The following DNAH14 variants were observed in gnomAD, a reference collection of about 807,000 sequenced individuals.
DNAH14 encodes axonemal beta dynein heavy chain 14.
In DNAH14, 478 loss-of-function variants were observed where a neutral mutation model predicts 520.9. That is an observed-to-expected ratio of 0.92 (90% CI 0.85 to 0.99). The LOEUF is 0.99. Ranked by LOEUF, DNAH14 falls within the 50% of genes least tolerant of loss-of-function variation. The pLI is 0.00. For synonymous variants in DNAH14, 1,581 were observed against 1,757.2 expected (o/e 0.90, Z 2.51); for missense variants, 4,831 against 5,234.5 (o/e 0.92, Z 2.38).
intron 38 of DNAH14, among the ~76,000 whole-genome samples, chr1:225,196,997 G>A (rs2086225880): frequency 6.6e-6 from 1 of 152,102 alleles, no homozygotes; most frequent in African/African-American, 2.4e-5. Flanking sequence ...TCTGTGGGTT[G>A]TCTGTTTACT....
chr1:224,944,104 C>G (rs2059623480), intron 1 of DNAH14, among the ~76,000 whole-genome samples: 1 of 152,124 alleles, frequency 6.6e-6, no homozygotes, highest in Non-Finnish European at 1.5e-5. Flanking sequence ...GTGTTAAAGT[C>G]TCCCATTATT....
At position 225,128,133 on chromosome 1, in the gene DNAH14, T is replaced by G. The variant is rs532468822; in HGVS notation, c.4254+4519T>G. Among the ~76,000 whole-genome samples the G allele has an allele frequency of 2.7e-3, 413 of 152,232 alleles. 1 individual carries two copies. Among genetic ancestry groups the G allele is most frequent in the Non-Finnish European group, 2.4e-3 (165 of 68,014 alleles). ...GTAACCCGACCGTTCTCTCTGGCTG[T>G]CCTTAACATTTTTTCCTTCATTTCA... On this transcript the variant is annotated intron_variant, in intron 27 of 85. Coordinates refer to ENST00000682510, the MANE Select transcript of DNAH14 (RefSeq NM_001367479.1).
At chr1:225,282,852 C>A (rs1047238453) in intron 54 of DNAH14, among the ~76,000 whole-genome samples, 8 of 152,094 alleles carry the variant, frequency 5.3e-5, no homozygotes, top group Admixed American at 2.0e-4. Flanking sequence ...AGTGAATCAT[C>A]CATTCGTGTG....
chr1:224,991,839 AAT>A (rs2063076553), intron 8 of DNAH14, among the ~76,000 whole-genome samples: 2 of 152,110 alleles, frequency 1.3e-5, no homozygotes, highest in African/African-American at 4.8e-5. Context: ...TGCTGTTGTG[AAT>A]AATGCTGCAA....
chr1:225,324,355 T>C lies in DNAH14; in HGVS notation c.9627+2T>C, dbSNP rs775624566. Reference sequence around the variant, plus strand: ...AATAACTACCATGAAGTACAGAAGGTATGCTTTTCCTCCTAAACATCTGTC... The same window carrying C: ...AATAACTACCATGAAGTACAGAAGGCATGCTTTTCCTCCTAAACATCTGTC... On this transcript the variant is annotated splice_donor_variant, in intron 63 of 85. Coordinates refer to ENST00000682510, the MANE Select transcript of DNAH14 (RefSeq NM_001367479.1). LOFTEE classifies it high-confidence loss of function. The C allele has an allele frequency of 2.6e-6, 4 of 1,550,834 alleles. No homozygotes were observed. The highest frequency in any genetic ancestry group is 3.5e-6 in the Non-Finnish European group (4 of 1,146,660).
chr1:225,005,127 A>G (rs1345954653), intron 9 of DNAH14, among the ~76,000 whole-genome samples: 1 of 152,192 alleles, frequency 6.6e-6, no homozygotes, highest in East Asian at 1.9e-4. Flanking sequence ...ACTTAGTTCT[A>G]GAGAGATTGC....
At chr1:225,145,743 A>G (rs2079872894) in intron 30 of DNAH14, among the ~76,000 whole-genome samples, 1 of 152,194 alleles carries the variant, frequency 6.6e-6, no homozygotes, top group African/African-American at 2.4e-5. Context: ...CCATACATTT[A>G]TTTACTGAAA....
intron 25 of DNAH14, chr1:225,118,302 C>G (rs2148864075): frequency 5.0e-6 from 2 of 403,152 alleles, no homozygotes; most frequent in South Asian, 5.5e-5. Flanking sequence ...TGCTTTTTCC[C>G]TTTTTGGTTT....
chr1:225,381,642 G>C (rs924068860), intron 81 of DNAH14, 63 bp downstream of exon 81: 2 of 1,256,044 alleles, frequency 1.6e-6, no homozygotes, highest in Admixed American at 5.6e-5. Context: ...AAGTTCAAGG[G>C]AATGGTGAAG....
At chr1:225,076,578 C>T (rs1558876488) in intron 17 of DNAH14, among the ~76,000 whole-genome samples, 1 of 152,142 alleles carries the variant, frequency 6.6e-6, no homozygotes, top group Admixed American at 6.5e-5. Flanking sequence ...AGCACTTAAA[C>T]AGTTCTTGAC....
At chr1:225,280,588 G>A (rs1266792148) in intron 54 of DNAH14, among the ~76,000 whole-genome samples, 1 of 149,546 alleles carries the variant, frequency 6.7e-6, no homozygotes, top group East Asian at 2.0e-4. Flanking sequence ...GACAAAGTGA[G>A]AGTCCATCTC....
intron 55 of DNAH14, among the ~76,000 whole-genome samples, chr1:225,292,347 T>C (rs55843539): frequency 0.18 from 27,777 of 152,084 alleles, 2,707 homozygotes; most frequent in East Asian, 0.34. Context: ...GCACCATTTA[T>C]TGAAGACTGA....
At chr1:225,161,709 G>A (rs1206858390) in intron 35 of DNAH14, among the ~76,000 whole-genome samples, 1 of 151,990 alleles carries the variant, frequency 6.6e-6, no homozygotes, top group East Asian at 1.9e-4. Flanking sequence ...ATCTAACTGG[G>A]GTGAGATGAT....
chr1:225,130,557 A>C (rs1018884692), intron 27 of DNAH14, among the ~76,000 whole-genome samples: 2 of 149,960 alleles, frequency 1.3e-5, no homozygotes, highest in Admixed American at 6.6e-5. Context: ...ATTCTCAGTA[A>C]AATATCGCAA....
At chr1:224,974,502 T>A (rs2061685519) in intron 8 of DNAH14, among the ~76,000 whole-genome samples, 2 of 152,232 alleles carry the variant, frequency 1.3e-5, no homozygotes, top group South Asian at 4.1e-4. Flanking sequence ...AAATTGTTTT[T>A]ATTAAACTTT....
chr1:225,139,138 T>G (rs1195678277), intron 27 of DNAH14, among the ~76,000 whole-genome samples: 1 of 152,200 alleles, frequency 6.6e-6, no homozygotes. Context: ...CCTTTTGTTC[T>G]CCACTTGACT....
intron 81 of DNAH14, among the ~76,000 whole-genome samples, 185 bp from the exon 82 acceptor site, chr1:225,388,194 A>C (rs142746447): frequency 1.9e-4 from 29 of 152,310 alleles, no homozygotes; most frequent in African/African-American, 6.7e-4. Flanking sequence ...TGTTAAGATA[A>C]TGTTGTTTTG....
intron 75 of DNAH14, among the ~76,000 whole-genome samples, chr1:225,362,170 TAAAAA>T (rs1395234907): frequency 6.6e-6 from 1 of 151,826 alleles, no homozygotes; most frequent in Non-Finnish European, 1.5e-5. Flanking sequence ...ACTGTGCTAA[TAAAAA>T]AAAGAAATTA....
intron 17 of DNAH14, among the ~76,000 whole-genome samples, chr1:225,052,647 A>G (rs1301706466): frequency 1.3e-5 from 2 of 152,216 alleles, no homozygotes; most frequent in African/African-American, 4.8e-5. Context: ...ACCCAGGTGA[A>G]CAATCACAGA....
Sources: allele counts gnomAD v4.1 joint callset (sites outside exome capture counted in the v4.1 genomes callset), GRCh38; gene constraint gnomAD v4.1.1; transcripts MANE v1.5; gene names NCBI Gene and HGNC (gene_info 2026-07-23, HGNC 2026-07-21).